The following RMDN2 variants were observed in gnomAD, a reference collection of about 807,000 sequenced individuals.
RMDN2 encodes the protein regulator of microtubule dynamics protein 2.
Under a neutral mutation model 52.8 loss-of-function variants are expected in RMDN2, and 61 were observed. That is an observed-to-expected ratio of 1.16 (90% CI 0.94 to 1.43). RMDN2 has a LOEUF of 1.43. Among genes scored for constraint, RMDN2 ranks in the 40% most tolerant of loss-of-function variants. The pLI is 0.00. For missense variants in RMDN2, 592 were observed against 475.3 expected, an observed-to-expected ratio of 1.25 and a Z score of -2.28; for synonymous variants, 180 against 153.1, an observed-to-expected ratio of 1.18 and a Z score of -1.30.
At chr2:37,976,421 T>G (rs180690204) in intron 4 of RMDN2, 13 of 152,362 alleles carry the variant, frequency 8.5e-5, no homozygotes, top group African/African-American at 2.9e-4. Context: ...AGGCTTTTCT[T>G]CTAGAAAAGA....
chr2:37,932,220 T>A (rs1338995618), intron 2 of RMDN2, among the ~76,000 whole-genome samples: 1 of 149,708 alleles, frequency 6.7e-6, no homozygotes, highest in East Asian at 2.0e-4. Context: ...CCTTCCGCAG[T>A]GTTTGTGTCC....
At chr2:38,040,613 G>T (rs1680893387) in intron 10 of RMDN2, among the ~76,000 whole-genome samples, 1 of 152,160 alleles carries the variant, frequency 6.6e-6, no homozygotes, top group Non-Finnish European at 1.5e-5. Flanking sequence ...AAGGTATTTT[G>T]TTGTAATAGC....
chr2:38,046,962 G>A (rs898568852), intron 10 of RMDN2, among the ~76,000 whole-genome samples: 22 of 151,860 alleles, frequency 1.4e-4, no homozygotes, highest in Admixed American at 1.0e-3. Context: ...CAGCCTGGGC[G>A]ACAGAGTGAG....
At chr2:38,034,869 A>AC (rs1352430762) in intron 10 of RMDN2, among the ~76,000 whole-genome samples, 2 of 151,932 alleles carry the variant, frequency 1.3e-5, no homozygotes, top group Non-Finnish European at 2.9e-5. Flanking sequence ...ATATTTAAAA[A>AC]AAAGCTTTTT....
chr2:37,980,853 G>A (rs1469286302), intron 4 of RMDN2, among the ~76,000 whole-genome samples: 2 of 151,574 alleles, frequency 1.3e-5, no homozygotes, highest in African/African-American at 2.4e-5. Context: ...ACTGAACGGT[G>A]AGCTCTTGGA....
At chr2:38,062,270 C>T (rs917884170) in intron 10 of RMDN2, among the ~76,000 whole-genome samples, 6 of 152,200 alleles carry the variant, frequency 3.9e-5, no homozygotes, top group Non-Finnish European at 8.8e-5. Context: ...ATCTACTCTT[C>T]ATCATGACAC....
intron 10 of RMDN2, chr2:38,026,896 C>T (rs1679819671): frequency 6.6e-6 from 1 of 151,736 alleles, no homozygotes; most frequent in Non-Finnish European, 1.5e-5. Flanking sequence ...TTTTTTCTTT[C>T]ATTCATGGGT....
intron 1 of RMDN2, among the ~76,000 whole-genome samples, chr2:37,926,082 A>G (rs1666254016): frequency 6.7e-6 from 1 of 150,336 alleles, no homozygotes; most frequent in Non-Finnish European, 1.5e-5. Context: ...GTCTCAGTGC[A>G]ATTCTCTTAG....
At chr2:37,970,691 G>C (rs1263096421) in intron 2 of RMDN2, among the ~76,000 whole-genome samples, 1 of 152,134 alleles carries the variant, frequency 6.6e-6, no homozygotes, top group Non-Finnish European at 1.5e-5. Context: ...GAGATAGAGA[G>C]CAAGTTGCAG....
At chr2:37,964,146 C>T (rs927297795) in intron 2 of RMDN2, among the ~76,000 whole-genome samples, 128 of 151,700 alleles carry the variant, frequency 8.4e-4, no homozygotes, top group African/African-American at 3.1e-3. Context: ...GACGGGGCGC[C>T]TGCCGGGCGG....
chr2:37,978,623 C>G (rs911808758), intron 4 of RMDN2, among the ~76,000 whole-genome samples: 4 of 151,086 alleles, frequency 2.6e-5, no homozygotes, highest in African/African-American at 9.7e-5. Flanking sequence ...CTCAGAAGCC[C>G]GAGACCAGCC....
chr2:37,936,505 C>A (rs1667301051), intron 2 of RMDN2, among the ~76,000 whole-genome samples: 1 of 152,178 alleles, frequency 6.6e-6, no homozygotes, highest in Non-Finnish European at 1.5e-5. Context: ...TTTACACTCC[C>A]ACCAACAGTG....
At chr2:37,951,975 G>T in intron 2 of RMDN2, 1 of 1,613,474 alleles carries the variant, frequency 6.2e-7, no homozygotes, top group Non-Finnish European at 8.5e-7. Flanking sequence ...TCCTCGTCCT[G>T]AAAGTTACAG....
intron 2 of RMDN2, among the ~76,000 whole-genome samples, chr2:37,945,312 C>G (rs1215944118): frequency 6.6e-6 from 1 of 152,206 alleles, no homozygotes; most frequent in Non-Finnish European, 1.5e-5. Flanking sequence ...TGAGCAGCCA[C>G]TATGAACTAT....
At chr2:37,987,827 G>C (rs1366547655) in intron 5 of RMDN2, among the ~76,000 whole-genome samples, 1 of 152,130 alleles carries the variant, frequency 6.6e-6, no homozygotes, top group Non-Finnish European at 1.5e-5. Flanking sequence ...GGGAGGTCGA[G>C]GTGGGCAGAT....
intron 10 of RMDN2, among the ~76,000 whole-genome samples, chr2:38,025,966 T>A (rs574895906): frequency 1.3e-5 from 2 of 152,212 alleles, no homozygotes; most frequent in Non-Finnish European, 2.9e-5. Context: ...CTTCAGAGAA[T>A]GAGTTGAAAA....
intron 2 of RMDN2, among the ~76,000 whole-genome samples, chr2:37,960,240 G>A (rs895751750): frequency 6.6e-6 from 1 of 151,918 alleles, no homozygotes; most frequent in African/African-American, 2.4e-5. Context: ...TTGACAATGG[G>A]GTTTTAAAGT....
rs77481911 is a variant in RMDN2, at chr2:37,992,743, T to C, written c.945+1446T>C. 1.6e-3 allele frequency among the ~76,000 whole-genome samples: 249 copies of C among 152,316 alleles called. 1 individual carries two copies. Among genetic ancestry groups the C allele is most frequent in the African/African-American group, 5.8e-3 (242 of 41,576 alleles). ...AAAGAATAAAAAGCAGTAGTAATAA[T>C]GGCTAATGTGTACGTGGCTCTTGTA... On this transcript the variant is annotated intron_variant, in intron 7 of 10. Transcript: ENST00000354545.
intron 10 of RMDN2, among the ~76,000 whole-genome samples, chr2:38,059,966 C>T (rs961077034): frequency 1.3e-5 from 2 of 152,058 alleles, no homozygotes; most frequent in Non-Finnish European, 2.9e-5. Flanking sequence ...GACTCGATCT[C>T]GGCTCACTGC....
Sources: allele counts gnomAD v4.1 joint callset (sites outside exome capture counted in the v4.1 genomes callset), GRCh38; gene constraint gnomAD v4.1.1; transcripts MANE v1.5; gene names NCBI Gene and HGNC (gene_info 2026-07-23, HGNC 2026-07-21).